Variants in SLC6A11 observed in about 807,000 individuals in gnomAD.
The protein encoded by SLC6A11 is solute carrier family 6 member 11, also known as sodium- and chloride-dependent GABA transporter 3.
A neutral mutation model predicts 74.8 loss-of-function variants in SLC6A11; 25 were observed. That is an observed-to-expected ratio of 0.33 (90% confidence interval 0.24 to 0.47). SLC6A11 has a LOEUF of 0.47. SLC6A11 is among the 20% of genes least tolerant of loss of function. The pLI is 1.00. For missense variants in SLC6A11, 574 were observed against 837.0 expected, an observed-to-expected ratio of 0.69 and a Z score of 3.88; for synonymous variants, 330 against 330.2, an observed-to-expected ratio of 1.00 and a Z score of 0.01.
At chr3:10,839,492 C>A (rs1334854497) in intron 4 of SLC6A11, among the ~76,000 whole-genome samples, 2 of 152,114 alleles carry the variant, frequency 1.3e-5, no homozygotes, top group African/African-American at 4.8e-5. Flanking sequence ...CTTGAGGATA[C>A]CCCTCCTTGG....
chr3:10,901,652 A>G (rs571494527), intron 6 of SLC6A11, among the ~76,000 whole-genome samples: 9 of 152,186 alleles, frequency 5.9e-5, no homozygotes, highest in Admixed American at 3.3e-4. Context: ...AATATCTCCA[A>G]AGTCGTCTCC....
chr3:10,913,457 T>A (rs957377627), intron 7 of SLC6A11, among the ~76,000 whole-genome samples: 1 of 152,236 alleles, frequency 6.6e-6, no homozygotes, highest in East Asian at 1.9e-4. Flanking sequence ...TGGGTGTGTT[T>A]TGTTTAGTTT....
At chr3:10,923,435 A>G (rs1220961836) in intron 8 of SLC6A11, among the ~76,000 whole-genome samples, 2 of 152,168 alleles carry the variant, frequency 1.3e-5, no homozygotes, top group Admixed American at 1.3e-4. Flanking sequence ...TAAAACTGAA[A>G]TAACTTGAAC....
intron 5 of SLC6A11, among the ~76,000 whole-genome samples, chr3:10,862,839 C>T (rs990399946): frequency 6.6e-6 from 1 of 152,232 alleles, no homozygotes; most frequent in Admixed American, 6.5e-5. Context: ...GGTTAGCTCA[C>T]ACACCCTTGA....
At chr3:10,912,763 A>G (rs1695404431) in intron 7 of SLC6A11, among the ~76,000 whole-genome samples, 2 of 151,912 alleles carry the variant, frequency 1.3e-5, no homozygotes, top group South Asian at 4.2e-4. Context: ...CTTGAGTTCT[A>G]CAGCAAGGCT....
At chr3:10,907,923 T>C (rs1247460039) in intron 6 of SLC6A11, among the ~76,000 whole-genome samples, 1 of 152,200 alleles carries the variant, frequency 6.6e-6, no homozygotes, top group Non-Finnish European at 1.5e-5. Context: ...ACATAAGGGC[T>C]GGGGGTGATT....
intron 8 of SLC6A11, among the ~76,000 whole-genome samples, chr3:10,922,816 A>C (rs1218292171): frequency 2.0e-5 from 3 of 152,216 alleles, no homozygotes; most frequent in Non-Finnish European, 4.4e-5. Flanking sequence ...GGAAGGAAAA[A>C]CTAACCTATG....
Position 10,896,349 on chromosome 3 carries a change from C to T in SLC6A11, c.892-15741C>T, listed in dbSNP as rs1695171391. Among the ~76,000 whole-genome samples, 5 of 152,240 alleles carry T rather than the reference C, an allele frequency of 3.3e-5. No individual in the cohort carries two copies. The South Asian group carries it at 1.0e-3, about 32-fold the overall frequency. ...GAATGACCCCTCTCTAGCCACTTAG[C>T]ATTTACTGTGAGCCAGGTGCTCTGT... On this transcript the variant is annotated intron_variant, in intron 6 of 13. Coordinates refer to ENST00000254488, the MANE Select transcript of SLC6A11 (RefSeq NM_014229.3).
chr3:10,886,364 A>G (rs1695042537), intron 6 of SLC6A11, among the ~76,000 whole-genome samples: 1 of 152,158 alleles, frequency 6.6e-6, no homozygotes. Context: ...CCTGTCCCAT[A>G]CAGCCTTGGG....
chr3:10,858,337 C>T (rs916488927), intron 5 of SLC6A11, among the ~76,000 whole-genome samples: 12 of 152,148 alleles, frequency 7.9e-5, no homozygotes, highest in South Asian at 2.1e-4. Context: ...GCTTCTCACT[C>T]GAATAATTAT....
At chr3:10,864,782 C>G (rs1694744178) in intron 5 of SLC6A11, among the ~76,000 whole-genome samples, 1 of 152,232 alleles carries the variant, frequency 6.6e-6, no homozygotes, top group Admixed American at 6.5e-5. Flanking sequence ...CTGATTCCCT[C>G]TGTCCTTCAT....
chr3:10,849,375 A>G (rs989048720), intron 5 of SLC6A11, among the ~76,000 whole-genome samples: 2 of 152,154 alleles, frequency 1.3e-5, no homozygotes, highest in East Asian at 1.9e-4. Flanking sequence ...TTTTTCATCA[A>G]CTGAATCCAT....
At chr3:10,875,759 G>A (rs1484170554) in intron 6 of SLC6A11, among the ~76,000 whole-genome samples, 2 of 152,160 alleles carry the variant, frequency 1.3e-5, no homozygotes, top group Non-Finnish European at 2.9e-5. Flanking sequence ...GGTACATGGT[G>A]GTGTGCCCTG....
intron 8 of SLC6A11, 94 bp from the exon 9 acceptor site, chr3:10,925,910 G>A (rs775305586): frequency 1.6e-4 from 118 of 722,198 alleles, no homozygotes; most frequent in Non-Finnish European, 2.5e-4. Context: ...AGTGCCTGGC[G>A]CAGAGGAGGC....
chr3:10,877,088 A>G (rs549307547), intron 6 of SLC6A11, among the ~76,000 whole-genome samples: 1 of 152,306 alleles, frequency 6.6e-6, no homozygotes, highest in South Asian at 2.1e-4. Context: ...TATGGCCTTC[A>G]GGTCACATCC....
intron 8 of SLC6A11, among the ~76,000 whole-genome samples, chr3:10,921,426 A>G (rs1230223219): frequency 1.3e-5 from 2 of 152,248 alleles, no homozygotes; most frequent in African/African-American, 4.8e-5. Flanking sequence ...CGAATAAGTT[A>G]TGACATATAG....
chr3:10,884,095 G>A (rs1695014612), intron 6 of SLC6A11, among the ~76,000 whole-genome samples: 1 of 152,204 alleles, frequency 6.6e-6, no homozygotes, highest in African/African-American at 2.4e-5. Flanking sequence ...ACTCCTTCCA[G>A]TCAGAGGGTA....
chr3:10,914,591 G>A (rs1204055716), intron 7 of SLC6A11, among the ~76,000 whole-genome samples: 1 of 152,206 alleles, frequency 6.6e-6, no homozygotes, highest in East Asian at 1.9e-4. Context: ...GTATTTGGGT[G>A]ACCGGATGAC....
intron 4 of SLC6A11, among the ~76,000 whole-genome samples, chr3:10,840,803 G>A (rs915557185): frequency 3.9e-5 from 6 of 152,128 alleles, no homozygotes; most frequent in Middle Eastern, 3.2e-3. Context: ...AAGTTACTTC[G>A]CCTCTGTGCA....
Sources: allele counts gnomAD v4.1 joint callset (sites outside exome capture counted in the v4.1 genomes callset), GRCh38; gene constraint gnomAD v4.1.1; transcripts MANE v1.5; gene names NCBI Gene and HGNC (gene_info 2026-07-23, HGNC 2026-07-21).